PI4KA: variants seen among roughly 807,000 people sequenced by gnomAD.
The protein encoded by PI4KA is phosphatidylinositol 4-kinase alpha.
PI4KA carries 122 observed loss-of-function variants against 271.4 expected under a neutral mutation model. That is an observed-to-expected ratio of 0.45 (90% confidence interval 0.39 to 0.52). PI4KA has a LOEUF of 0.52. Among genes scored for constraint, PI4KA ranks in the 20% least tolerant of loss-of-function variants. PI4KA has a pLI of 0.00. For synonymous variants in PI4KA, 1,041 were observed against 1,078.8 expected (o/e 0.96, Z 0.69); for missense variants, 1,969 against 2,769.1 (o/e 0.71, Z 6.48).
At chr22:20,787,417 C>A in intron 19 of PI4KA, 1 of 364,494 alleles carries the variant, frequency 2.7e-6, no homozygotes, top group South Asian at 2.3e-5. Flanking sequence ...TCACTCAAGC[C>A]TTTCTCCACC....
Position 20,804,591 on chromosome 22 carries a change from T to A in PI4KA, c.1361-191A>T, listed in dbSNP as rs165872. 0.46 allele frequency among the ~76,000 whole-genome samples: 69,502 copies of A among 151,926 alleles called. 16,495 individuals carry two copies. The highest frequency in any genetic ancestry group is 0.57 in the African/African-American group (23,678 of 41,400). On this transcript the variant is annotated intron_variant, in intron 11 of 54. Transcript: ENST00000255882. Reference sequence around the variant, plus strand: ...TCTCCGCTGGCCCTAAGCCCCCTTGTCCCCGCAGTGTTCATTCCACAGAAA... The same window carrying A: ...TCTCCGCTGGCCCTAAGCCCCCTTGACCCCGCAGTGTTCATTCCACAGAAA...
At chr22:20,745,289 C>T (rs1929929890) in intron 29 of PI4KA, among the ~76,000 whole-genome samples, 1 of 152,228 alleles carries the variant, frequency 6.6e-6, no homozygotes, top group African/African-American at 2.4e-5. Context: ...CTCAGCCTCC[C>T]AGCCCCAGGG....
intron 1 of PI4KA, among the ~76,000 whole-genome samples, chr22:20,851,193 AT>A (rs888016782): frequency 1.4e-4 from 13 of 93,584 alleles, no homozygotes; most frequent in South Asian, 6.0e-4. Flanking sequence ...GACCCTATCT[AT>A]TTTTTTTTTA....
intron 13 of PI4KA, among the ~76,000 whole-genome samples, chr22:20,802,685 G>A (rs557542207): frequency 1.0e-3 from 154 of 152,272 alleles, no homozygotes; most frequent in Non-Finnish European, 1.8e-3. Flanking sequence ...ACAGGTGAGC[G>A]CCATCACGCC....
intron 41 of PI4KA, among the ~76,000 whole-genome samples, 196 bp from the exon 42 acceptor site, chr22:20,726,737 G>A (rs890195603): frequency 4.6e-5 from 7 of 152,234 alleles, no homozygotes; most frequent in African/African-American, 9.6e-5. Context: ...CAAGGCTCCC[G>A]CTCTACAGCG....
intron 44 of PI4KA, among the ~76,000 whole-genome samples, chr22:20,717,999 CCCTGCTGTGTGCG>C: frequency 6.6e-6 from 1 of 152,140 alleles, no homozygotes. Flanking sequence ...CAGGCTCTGC[CCCTGCTGTGTGCG>C]GGGGTGTGTG....
chr22:20,744,646 G>T lies in PI4KA; in HGVS notation c.3438C>A (p.Arg1146=). 1 of 1,614,026 alleles carries T rather than the reference G, an allele frequency of 6.2e-7. No individual in the cohort carries two copies. The highest frequency in any genetic ancestry group is 1.3e-5 in the African/African-American group (1 of 75,054). The change falls in exon 30 of 55, where the codon CGC becomes CGA. Residue 1146 remains arginine (R), a synonymous_variant. Transcript: ENST00000255882. Reference sequence around the variant, plus strand: ...GAAGCACCTCGCCCGCGTAGCGGTTGCGCAGATTCAGGGATGCCATGAAGT... The same window carrying T: ...GAAGCACCTCGCCCGCGTAGCGGTTTCGCAGATTCAGGGATGCCATGAAGT... ...YSNFMASLNL[R]NRYAGEVYGM...
intron 29 of PI4KA, 96 bp downstream of exon 29, chr22:20,747,487 G>A: frequency 1.5e-6 from 2 of 1,315,164 alleles, no homozygotes; most frequent in Non-Finnish European, 2.1e-6. Flanking sequence ...GTACTCATGT[G>A]CGTCATGAAA....
At position 20,810,958 on chromosome 22, in the gene PI4KA, G is replaced by T; in HGVS notation, c.1071+9C>A. The stretch of plus-strand genomic sequence containing the variant: ...TGATCTCATGGTAATGCCCTCAGAA[G>T]CGACATACCTCCATCACACTGGCTA... On this transcript the variant is annotated intron_variant, in intron 9 of 54. Transcript: ENST00000255882. 1 of 1,606,158 alleles carries T rather than the reference G, an allele frequency of 6.2e-7. No homozygotes were observed.
At chr22:20,850,295 G>C (rs969439482) in intron 1 of PI4KA, among the ~76,000 whole-genome samples, 3 of 151,926 alleles carry the variant, frequency 2.0e-5, no homozygotes, top group Admixed American at 2.0e-4. Context: ...CAGCACTTTG[G>C]GAGGCCAAGG....
At chr22:20,834,531 T>A in intron 3 of PI4KA, 31 bp downstream of exon 3, 1 of 1,281,004 alleles carries the variant, frequency 7.8e-7, no homozygotes, top group Non-Finnish European at 1.1e-6. Context: ...TATTTTCTCT[T>A]ATATTCAGGG....
intron 19 of PI4KA, chr22:20,779,468 G>A (rs141005298): frequency 4.3e-6 from 7 of 1,614,036 alleles, no homozygotes; most frequent in African/African-American, 2.7e-5. Context: ...ACCTGAGCAT[G>A]CCTCTTCTCC....
chr22:20,770,908 G>C (rs969400728), intron 19 of PI4KA, among the ~76,000 whole-genome samples: 3 of 152,152 alleles, frequency 2.0e-5, no homozygotes, highest in Non-Finnish European at 4.4e-5. Context: ...GTCTGGATGA[G>C]GTAGTTCACG....
chr22:20,797,099 T>C (rs1292560089), intron 17 of PI4KA, among the ~76,000 whole-genome samples: 4 of 152,314 alleles, frequency 2.6e-5, no homozygotes, highest in East Asian at 3.9e-4. Flanking sequence ...ACTAAGCATG[T>C]CGTCTGCTCC....
intron 15 of PI4KA, 87 bp from the exon 16 acceptor site, chr22:20,799,363 T>C (rs1935164000): frequency 8.1e-7 from 1 of 1,238,628 alleles, no homozygotes; most frequent in Non-Finnish European, 1.1e-6. Flanking sequence ...GATCTAGACC[T>C]TAATTTCATA....
chr22:20,847,133 G>GC (rs1157740947), intron 1 of PI4KA, among the ~76,000 whole-genome samples: 1 of 146,482 alleles, frequency 6.8e-6, no homozygotes, highest in African/African-American at 2.5e-5. Flanking sequence ...GGGCAACAGA[G>GC]CAAGACTCCA....
At chr22:20,715,058 C>T (rs1488785060) in intron 45 of PI4KA, among the ~76,000 whole-genome samples, 2 of 152,046 alleles carry the variant, frequency 1.3e-5, no homozygotes, top group African/African-American at 2.4e-5. Context: ...TCTGAACAGC[C>T]CTCCATTCTT....
chr22:20,774,845 A>G (rs888192053), intron 19 of PI4KA, among the ~76,000 whole-genome samples: 1 of 152,154 alleles, frequency 6.6e-6, no homozygotes, highest in Non-Finnish European at 1.5e-5. Flanking sequence ...TAGAAGAAAA[A>G]ATGTGTATGT....
At chr22:20,714,586 C>T (rs756864774) in intron 46 of PI4KA, 42 bp downstream of exon 46, 40 of 1,613,838 alleles carry the variant, frequency 2.5e-5, no homozygotes, top group East Asian at 4.5e-5. Context: ...ACTTCGCACG[C>T]GGACGCGTGG....
Sources: allele counts gnomAD v4.1 joint callset (sites outside exome capture counted in the v4.1 genomes callset), GRCh38; gene constraint gnomAD v4.1.1; transcripts MANE v1.5; gene names NCBI Gene and HGNC (gene_info 2026-07-23, HGNC 2026-07-21).